The following RELN variants were observed in gnomAD, a reference collection of about 807,000 sequenced individuals.
RELN encodes the protein reelin.
RELN carries 108 observed loss-of-function variants against 427.6 expected under a neutral mutation model. That is an observed-to-expected ratio of 0.25 (90% CI 0.22 to 0.30). The LOEUF is 0.30. RELN is among the 10% of genes least tolerant of loss of function. The probability of loss-of-function intolerance (pLI) is 1.00; values close to 1 mark genes in which losing one functional copy is unlikely to be tolerated. For synonymous variants in RELN, 1,524 were observed against 1,513.4 expected, an observed-to-expected ratio of 1.01 and a Z score of -0.16; for missense variants, 3,715 against 4,302.8, an observed-to-expected ratio of 0.86 and a Z score of 3.82.
At chr7:103,811,146 C>A (rs56106813) in intron 3 of RELN, among the ~76,000 whole-genome samples, 1 of 152,050 alleles carries the variant, frequency 6.6e-6, no homozygotes, top group African/African-American at 2.4e-5. Flanking sequence ...AAGGCATATA[C>A]GAAAATTACA....
intron 10 of RELN, among the ~76,000 whole-genome samples, chr7:103,683,429 A>T (rs1001728353): frequency 6.6e-6 from 1 of 152,204 alleles, no homozygotes; most frequent in Non-Finnish European, 1.5e-5. Context: ...AAGATATATA[A>T]CATGATTTTC....
intron 1 of RELN, among the ~76,000 whole-genome samples, chr7:103,933,237 A>G (rs549663672): frequency 6.6e-6 from 1 of 152,304 alleles, no homozygotes; most frequent in African/African-American, 2.4e-5. Flanking sequence ...ATGAGTTTTG[A>G]GTATGCATTA....
At position 103,561,959 on chromosome 7, in the gene RELN, CAAAAAAAA is replaced by C; in HGVS notation, c.5211-14_5211-7del. On this transcript the variant is annotated splice_region_variant and splice_polypyrimidine_tract_variant and intron_variant, in intron 34 of 64. Coordinates refer to ENST00000428762, the MANE Select transcript of RELN (RefSeq NM_005045.4). ...TGAACCGGGTCCTGGGAGAACTAAC[CAAAAAAAA>C]AAAAAAAAAAACACACCACTGGTTT... The C allele has an allele frequency of 7.6e-7, 1 of 1,314,136 alleles. No homozygotes were observed. The highest frequency in any genetic ancestry group is 9.8e-7 in the Non-Finnish European group (1 of 1,017,442). The allele number at this position is 1,314,136 out of a possible 1,614,324, so 81.4% of individuals were successfully genotyped here.
chr7:103,812,323 C>A (rs965526627), intron 3 of RELN, among the ~76,000 whole-genome samples: 2 of 152,172 alleles, frequency 1.3e-5, no homozygotes, highest in African/African-American at 4.8e-5. Context: ...CCCTTCTGAC[C>A]TTGTGCACAG....
At position 103,728,135 on chromosome 7, in the gene RELN, A is replaced by G; in HGVS notation, c.729T>C (p.Cys243=). The part of the protein sequence containing the change: ...AIMHGNAVTF[C]EPYGPRELIT... Reference sequence around the variant, plus strand: ...CCAGTTCTCGTGGGCCATATGGTTCACAGAAGGTGACGGCATTGCCATGCA... The same window carrying G: ...CCAGTTCTCGTGGGCCATATGGTTCGCAGAAGGTGACGGCATTGCCATGCA... The change falls in exon 7 of 65, where the codon TGT becomes TGC. Residue 243 remains cysteine, a synonymous_variant. Coordinates refer to ENST00000428762, the MANE Select transcript of RELN (RefSeq NM_005045.4). 6.2e-7 allele frequency: 1 copy of G among 1,613,866 alleles called. No homozygotes were observed. The highest frequency in any genetic ancestry group is 1.1e-5 in the South Asian group (1 of 91,084).
At chr7:103,805,631 T>C (rs1390668943) in intron 3 of RELN, among the ~76,000 whole-genome samples, 2 of 152,190 alleles carry the variant, frequency 1.3e-5, no homozygotes, top group Non-Finnish European at 2.9e-5. Flanking sequence ...ATTCTTCTCT[T>C]AGACTTGGCC....
chr7:103,537,380 T>C (rs362739), intron 45 of RELN, among the ~76,000 whole-genome samples: 97,744 of 151,558 alleles, frequency 0.64, 32,108 homozygotes, highest in Middle Eastern at 0.74. Context: ...CTTCGTGAAA[T>C]ACATCATGTC....
intron 49 of RELN, among the ~76,000 whole-genome samples, chr7:103,518,271 T>C (rs1208352854): frequency 6.6e-6 from 1 of 152,098 alleles, no homozygotes; most frequent in Non-Finnish European, 1.5e-5. Context: ...CTTTTTATTT[T>C]ACTCAAATTT....
chr7:103,802,751 T>C (rs1006350816), intron 3 of RELN, among the ~76,000 whole-genome samples: 4 of 152,152 alleles, frequency 2.6e-5, no homozygotes. Flanking sequence ...TAGGGATAGA[T>C]ATATAACTAC....
intron 44 of RELN, among the ~76,000 whole-genome samples, chr7:103,539,813 A>AT (rs1474386681): frequency 6.6e-6 from 1 of 152,046 alleles, no homozygotes; most frequent in Non-Finnish European, 1.5e-5. Context: ...AGATTGATTT[A>AT]TTTTTTTCTT....
At chr7:103,486,551 T>TAA in intron 60 of RELN, 135 bp from the exon 61 acceptor site, 1 of 643,820 alleles carries the variant, frequency 1.6e-6, no homozygotes, top group Non-Finnish European at 2.6e-6. Flanking sequence ...TAAACAACTT[T>TAA]ACAAAAAAAA....
At chr7:103,510,812 T>C (rs766694453) in intron 51 of RELN, 39 bp downstream of exon 51, 20 of 1,514,218 alleles carry the variant, frequency 1.3e-5, no homozygotes, top group Non-Finnish European at 1.7e-5. Flanking sequence ...ATATTGCTAA[T>C]GTATGGTTGT....
chr7:103,553,927 G>C (rs550880418), intron 38 of RELN, 96 bp from the exon 39 acceptor site: 46 of 1,004,230 alleles, frequency 4.6e-5, no homozygotes, highest in Admixed American at 1.3e-4. Context: ...AAGCAACTCA[G>C]TAACAATAGG....
chr7:103,756,329 C>T (rs545303611), intron 4 of RELN, among the ~76,000 whole-genome samples: 11 of 152,244 alleles, frequency 7.2e-5, no homozygotes, highest in African/African-American at 2.6e-4. Context: ...TTTTTTAAAA[C>T]CTCCTTGACC....
At chr7:103,490,868 A>G in intron 58 of RELN, 39 bp from the exon 59 acceptor site, 1 of 1,606,858 alleles carries the variant, frequency 6.2e-7, no homozygotes, top group Admixed American at 1.7e-5. Flanking sequence ...AAATTGTAAG[A>G]GAAACATATA....
At position 103,573,362 on chromosome 7, in the gene RELN, G is replaced by C. The variant is rs1480014477; in HGVS notation, c.4511+730C>G. On this transcript the variant is annotated intron_variant, in intron 30 of 64. Coordinates refer to ENST00000428762, the MANE Select transcript of RELN (RefSeq NM_005045.4). This position sits in a 1 kb window ranked among gnomAD's most constrained non-coding sequence, Gnocchi z 4.4. ...ATTTTTCACAGCAGGCCTTCAGTCA[G>C]TACGATGTAAATTATGCCTCAGTCC... Among the ~76,000 whole-genome samples, 2 of 152,194 alleles carry C rather than the reference G, an allele frequency of 1.3e-5. No homozygotes were observed. Among genetic ancestry groups the C allele is most frequent in the African/African-American group, 4.8e-5 (2 of 41,444 alleles).
At chr7:103,874,150 T>C (rs896224152) in intron 2 of RELN, among the ~76,000 whole-genome samples, 36 of 138,958 alleles carry the variant, frequency 2.6e-4, no homozygotes, top group African/African-American at 9.1e-4. Flanking sequence ...TTGACAAAAT[T>C]CAACAACCCT....
At chr7:103,802,831 C>T (rs1277552126) in intron 3 of RELN, among the ~76,000 whole-genome samples, 2 of 152,088 alleles carry the variant, frequency 1.3e-5, no homozygotes, top group Non-Finnish European at 2.9e-5. Context: ...AGAATTCCTG[C>T]AATGCTTGTA....
In RELN at chr7:103,838,311, T is replaced by C. The variant is rs146100315; in HGVS notation, c.338-4639A>G. Among the ~76,000 whole-genome samples the C allele has an allele frequency of 5.5e-3, 834 of 151,766 alleles. 8 individuals carry two copies. Among genetic ancestry groups the C allele is most frequent in the African/African-American group, 0.019 (792 of 41,346 alleles). ...GCAGGACTGGAAAAAAAACAGAAAT[T>C]ATAACACATATTTCACATTAACTAA... is the stretch of plus-strand genomic sequence containing the variant. On this transcript the variant is annotated intron_variant, in intron 2 of 64. Coordinates refer to ENST00000428762, the MANE Select transcript of RELN (RefSeq NM_005045.4).
Sources: allele counts gnomAD v4.1 joint callset (sites outside exome capture counted in the v4.1 genomes callset), GRCh38; gene constraint gnomAD v4.1.1; non-coding constraint Gnocchi (gnomAD v3.1); transcripts MANE v1.5; gene names NCBI Gene and HGNC (gene_info 2026-07-23, HGNC 2026-07-21).